DRC11: variants seen among roughly 807,000 people sequenced by gnomAD.
The protein encoded by DRC11 is dynein regulatory complex subunit 11.
the DRC11 span, among the ~76,000 whole-genome samples, chr2:236,364,790 G>C: frequency 6.6e-6 from 1 of 152,110 alleles, no homozygotes; most frequent in Non-Finnish European, 1.5e-5. Context: ...GTCACTTAAT[G>C]GGCTCTTTTT....
At chr2:236,460,230 G>A in the DRC11 span, among the ~76,000 whole-genome samples, 80 of 152,114 alleles carry the variant, frequency 5.3e-4, no homozygotes, top group African/African-American at 1.9e-3. This position sits in a 1 kb window ranked among gnomAD's most constrained non-coding sequence, Gnocchi z 4.0. Flanking sequence ...GCACACCCAC[G>A]AGGACGACTC....
the DRC11 span, among the ~76,000 whole-genome samples, chr2:236,319,237 C>T: frequency 0.053 from 7,999 of 152,266 alleles, 695 homozygotes; most frequent in African/African-American, 0.18. The surrounding 1 kb of genome is among the most constrained non-coding windows in gnomAD (Gnocchi z 6.7). Flanking sequence ...CAGCAGGTGG[C>T]GTTCACTGAG....
chr2:236,383,004 C>A, the DRC11 span, among the ~76,000 whole-genome samples: 1 of 152,126 alleles, frequency 6.6e-6, no homozygotes, highest in African/African-American at 2.4e-5. Context: ...AACTAAGAAA[C>A]CAACATTGGT....
At chr2:236,477,902 T>A in the DRC11 span, among the ~76,000 whole-genome samples, 1 of 152,110 alleles carries the variant, frequency 6.6e-6, no homozygotes, top group Non-Finnish European at 1.5e-5. Context: ...AATGTCTGAT[T>A]TCCTTTATTT....
chr2:236,364,004 C>T, the DRC11 span: 16 of 1,593,858 alleles, frequency 1.0e-5, no homozygotes, highest in Non-Finnish European at 1.4e-5. Context: ...GGCAAAGGTG[C>T]TAATGTTCTG....
the DRC11 span, among the ~76,000 whole-genome samples, chr2:236,312,313 A>C: frequency 6.6e-6 from 1 of 152,046 alleles, no homozygotes; most frequent in Non-Finnish European, 1.5e-5. Flanking sequence ...TTGTGATCTA[A>C]TTTCTTTTAA....
chr2:236,408,102 A>G, the DRC11 span: 1 of 634,686 alleles, frequency 1.6e-6, no homozygotes, highest in Non-Finnish European at 3.0e-6. The surrounding 1 kb of genome is among the most constrained non-coding windows in gnomAD (Gnocchi z 5.5). Flanking sequence ...TCACTTCACC[A>G]TATGGGACAA....
chr2:236,465,327 G>A, the DRC11 span, among the ~76,000 whole-genome samples: 30 of 152,226 alleles, frequency 2.0e-4, no homozygotes, highest in East Asian at 3.9e-4. The surrounding 1 kb of genome is among the most constrained non-coding windows in gnomAD (Gnocchi z 6.2). Context: ...TATGTGGGCC[G>A]TTTTTCCATA....
At chr2:236,397,614 A>T in the DRC11 span, among the ~76,000 whole-genome samples, 1 of 152,264 alleles carries the variant, frequency 6.6e-6, no homozygotes, top group Non-Finnish European at 1.5e-5. The surrounding 1 kb of genome is among the most constrained non-coding windows in gnomAD (Gnocchi z 5.0). Context: ...GTTATCTTAT[A>T]GGTACATGCA....
At chr2:236,344,889 T>A in the DRC11 span, among the ~76,000 whole-genome samples, 3 of 147,448 alleles carry the variant, frequency 2.0e-5, no homozygotes, top group Non-Finnish European at 4.5e-5. Context: ...CCCTCTGGGG[T>A]GTGCAGAGCC....
the DRC11 span, among the ~76,000 whole-genome samples, chr2:236,388,556 C>T: frequency 6.7e-6 from 1 of 149,774 alleles, no homozygotes; most frequent in Non-Finnish European, 1.5e-5. Flanking sequence ...TCTAGTTATA[C>T]ATTCTTCTAA....
the DRC11 span, among the ~76,000 whole-genome samples, chr2:236,435,150 C>G: frequency 6.6e-6 from 1 of 152,230 alleles, no homozygotes; most frequent in African/African-American, 2.4e-5. Flanking sequence ...AGGCTGACAG[C>G]AGGGTCAGTC....
At chr2:236,338,962 C>G in the DRC11 span, among the ~76,000 whole-genome samples, 1 of 152,180 alleles carries the variant, frequency 6.6e-6, no homozygotes, top group African/African-American at 2.4e-5. Context: ...CCAGGGAGGA[C>G]GACTTCCAGC....
the DRC11 span, among the ~76,000 whole-genome samples, chr2:236,469,201 T>TTTTA: frequency 6.6e-6 from 1 of 152,208 alleles, no homozygotes. This position sits in a 1 kb window ranked among gnomAD's most constrained non-coding sequence, Gnocchi z 5.8. Flanking sequence ...TTTATTTTAC[T>TTTTA]TTTATTTATT....
At chr2:236,380,745 T>C in the DRC11 span, 2 of 781,708 alleles carry the variant, frequency 2.6e-6, no homozygotes, top group Admixed American at 4.2e-5. This position sits in a 1 kb window ranked among gnomAD's most constrained non-coding sequence, Gnocchi z 4.9. Flanking sequence ...AGGTGGAAAG[T>C]TAATTGTGGT....
At chr2:236,480,038 T>C in the DRC11 span, among the ~76,000 whole-genome samples, 1 of 151,274 alleles carries the variant, frequency 6.6e-6, no homozygotes, top group Non-Finnish European at 1.5e-5. Flanking sequence ...TTTTTTTTTT[T>C]CCTTTCAGAA....
At chr2:236,482,113 A>G in the DRC11 span, among the ~76,000 whole-genome samples, 1 of 150,704 alleles carries the variant, frequency 6.6e-6, no homozygotes, top group Admixed American at 6.6e-5. The surrounding 1 kb of genome is among the most constrained non-coding windows in gnomAD (Gnocchi z 4.5). Context: ...TACATATTAT[A>G]TGTATAATTC....
chr2:236,462,947 T>A, the DRC11 span, among the ~76,000 whole-genome samples: 1 of 152,194 alleles, frequency 6.6e-6, no homozygotes, highest in Non-Finnish European at 1.5e-5. The surrounding 1 kb of genome is among the most constrained non-coding windows in gnomAD (Gnocchi z 6.4). Context: ...CACTGCTTTT[T>A]AAAATTATTT....
At chr2:236,499,036 G>T in the DRC11 span, among the ~76,000 whole-genome samples, 2 of 152,170 alleles carry the variant, frequency 1.3e-5, no homozygotes, top group Admixed American at 1.3e-4. The surrounding 1 kb of genome is among the most constrained non-coding windows in gnomAD (Gnocchi z 4.7). Context: ...TATGCTAAGG[G>T]GAGGGGGCAG....
Sources: gnomAD v4.1 joint callset for allele counts (sites outside exome capture counted in the v4.1 genomes callset) on GRCh38, gnomAD v4.1.1 for gene constraint, Gnocchi (gnomAD v3.1) non-coding constraint, MANE v1.5 for transcripts, NCBI Gene and HGNC (gene_info 2026-07-23, HGNC 2026-07-21) for gene names.